The following FBXL7 variants were observed in gnomAD, a reference collection of about 807,000 sequenced individuals.
FBXL7 encodes the protein F-box and leucine rich repeat protein 7.
In FBXL7, 12 loss-of-function variants were observed where a neutral mutation model predicts 38.3. The observed-to-expected ratio is 0.31, with a 90% CI of 0.20 to 0.51. The LOEUF (loss-of-function observed/expected upper bound fraction) is 0.51. FBXL7 is among the 20% of genes least tolerant of loss of function. The pLI is 0.98. For synonymous variants in FBXL7, 297 were observed against 300.9 expected (o/e 0.99, Z 0.13); for missense variants, 567 against 676.4 (o/e 0.84, Z 1.79).
intron 2 of FBXL7, among the ~76,000 whole-genome samples, chr5:15,729,235 A>G (rs1305752071): frequency 6.6e-6 from 1 of 152,132 alleles, no homozygotes. Flanking sequence ...CCGTGCCTTC[A>G]TATATTTGGG....
Position 15,820,470 on chromosome 5 carries a change from C to T in FBXL7, c.128-107420C>T, listed in dbSNP as rs140006551. ...ATATAATCACTTAAACTTGGTGCAG[C>T]CTCTCCCATCTCTCTTCCTCCCCTT... On this transcript the variant is annotated intron_variant, in intron 2 of 3. Transcript: ENST00000504595. Among the ~76,000 whole-genome samples, 6 of 152,232 alleles carry T rather than the reference C, an allele frequency of 3.9e-5. No homozygotes were observed. In the East Asian group the frequency reaches 1.2e-3, roughly 30 times the overall value.
At chr5:15,864,383 C>A (rs1011804418) in intron 2 of FBXL7, among the ~76,000 whole-genome samples, 2 of 151,404 alleles carry the variant, frequency 1.3e-5, no homozygotes, top group African/African-American at 4.9e-5. Flanking sequence ...ACTTGGTGGT[C>A]ATTAGAATTG....
At chr5:15,618,796 G>A (rs1327365268) in intron 2 of FBXL7, among the ~76,000 whole-genome samples, 1 of 152,082 alleles carries the variant, frequency 6.6e-6, no homozygotes, top group African/African-American at 2.4e-5. Flanking sequence ...AATTACCAGC[G>A]GCCTATCCCG....
chr5:15,876,272 A>G (rs1019740868), intron 2 of FBXL7, among the ~76,000 whole-genome samples: 3 of 152,160 alleles, frequency 2.0e-5, no homozygotes, highest in African/African-American at 7.2e-5. Flanking sequence ...TAGGGGAGGG[A>G]TAGCATTAGG....
intron 1 of FBXL7, among the ~76,000 whole-genome samples, chr5:15,522,797 C>A (rs1379410103): frequency 6.6e-6 from 1 of 152,204 alleles, no homozygotes; most frequent in African/African-American, 2.4e-5. Flanking sequence ...TTAGTCTCAG[C>A]CCAAAGTCTC....
At chr5:15,828,176 T>A (rs1738364149) in intron 2 of FBXL7, among the ~76,000 whole-genome samples, 1 of 152,164 alleles carries the variant, frequency 6.6e-6, no homozygotes, top group Non-Finnish European at 1.5e-5. Flanking sequence ...TTGCAAGAAT[T>A]AAAAACACAT....
chr5:15,578,241 T>A (rs775204688), intron 1 of FBXL7, among the ~76,000 whole-genome samples: 9 of 152,050 alleles, frequency 5.9e-5, no homozygotes, highest in Non-Finnish European at 8.8e-5. Context: ...ACAAAAGAGA[T>A]GAGTGGAGAA....
At chr5:15,934,752 T>C (rs1742132814) in intron 3 of FBXL7, among the ~76,000 whole-genome samples, 1 of 152,178 alleles carries the variant, frequency 6.6e-6, no homozygotes, top group Non-Finnish European at 1.5e-5. Context: ...GATGATCTCA[T>C]CTGATCCTCT....
intron 2 of FBXL7, among the ~76,000 whole-genome samples, chr5:15,685,029 T>C (rs936233687): frequency 2.0e-5 from 3 of 150,478 alleles, no homozygotes; most frequent in South Asian, 4.2e-4. Context: ...ATAAAGAGGA[T>C]TTTTTTTTTC....
chr5:15,753,393 A>G lies in FBXL7; in HGVS notation c.127+137321A>G, dbSNP rs113987346. Among the ~76,000 whole-genome samples the G allele has an allele frequency of 8.5e-4, 129 of 152,326 alleles. 1 individual carries two copies. Among genetic ancestry groups the G allele is most frequent in the African/African-American group, 3.0e-3 (124 of 41,576 alleles). On this transcript the variant is annotated intron_variant, in intron 2 of 3. Coordinates refer to ENST00000504595, the MANE Select transcript of FBXL7 (RefSeq NM_012304.5). ...TTAATGTTAGTATTTGTGACTTAGC[A>G]GAGCGGTTGATCATAACTGGCCTTC...
At chr5:15,603,177 G>A (rs1298324993) in intron 1 of FBXL7, among the ~76,000 whole-genome samples, 1 of 152,010 alleles carries the variant, frequency 6.6e-6, no homozygotes, top group East Asian at 1.9e-4. Context: ...ATTTGTCTGT[G>A]CTTTATCTCC....
chr5:15,779,295 A>G (rs765759637), intron 2 of FBXL7, among the ~76,000 whole-genome samples: 3 of 152,102 alleles, frequency 2.0e-5, no homozygotes, highest in Non-Finnish European at 2.9e-5. Flanking sequence ...TAGAAAATTT[A>G]TAGTTAAATA....
rs148822239 is a variant in FBXL7 at position 15,743,692 on chromosome 5, G to C, written c.127+127620G>C. On this transcript the variant is annotated intron_variant, in intron 2 of 3. Coordinates refer to ENST00000504595, the MANE Select transcript of FBXL7 (RefSeq NM_012304.5). ...GTGCCTCAGTGGGGACATTTTGTTGGTGGTCCAATCCCACATTTCCCTTCT... is the reference window on the plus strand; with the variant it reads ...GTGCCTCAGTGGGGACATTTTGTTGCTGGTCCAATCCCACATTTCCCTTCT... 8.7e-4 allele frequency among the ~76,000 whole-genome samples: 133 copies of C among 152,348 alleles called. 1 individual carries two copies. Among genetic ancestry groups the C allele is most frequent in the African/African-American group, 3.0e-3 (124 of 41,578 alleles).
intron 2 of FBXL7, among the ~76,000 whole-genome samples, chr5:15,848,723 A>G (rs1005189741): frequency 2.0e-5 from 3 of 152,308 alleles, no homozygotes; most frequent in Middle Eastern, 3.4e-3. Flanking sequence ...ACTTTAAGTC[A>G]AAAGTAAACC....
intron 2 of FBXL7, among the ~76,000 whole-genome samples, chr5:15,756,373 A>G (rs1310557758): frequency 6.6e-6 from 1 of 152,188 alleles, no homozygotes; most frequent in Non-Finnish European, 1.5e-5. Flanking sequence ...TAGTTTTATG[A>G]TAACAGACCG....
At chr5:15,824,286 A>G (rs1579495552) in intron 2 of FBXL7, among the ~76,000 whole-genome samples, 1 of 128,708 alleles carries the variant, frequency 7.8e-6, no homozygotes, top group African/African-American at 2.8e-5. Flanking sequence ...ACAGAGCAAG[A>G]CTCCGTCTCA....
chr5:15,822,777 A>G (rs1738206830), intron 2 of FBXL7, among the ~76,000 whole-genome samples: 1 of 152,052 alleles, frequency 6.6e-6, no homozygotes, highest in Non-Finnish European at 1.5e-5. Context: ...CCCCCATTTT[A>G]TGAATGAGGA....
intron 2 of FBXL7, among the ~76,000 whole-genome samples, chr5:15,739,255 T>C (rs1421394749): frequency 1.4e-5 from 2 of 146,732 alleles, no homozygotes; most frequent in Non-Finnish European, 3.0e-5. Context: ...CAGCCCTTGA[T>C]TCTGCCTCTT....
rs1208151312 is a variant in FBXL7 at position 15,541,378 on chromosome 5, A to G, written c.37+40665A>G. Among the ~76,000 whole-genome samples, 8 of 145,488 alleles carry G rather than the reference A, an allele frequency of 5.5e-5. No individual in the cohort carries two copies. In the South Asian group the frequency reaches 1.5e-3, roughly 28 times the overall value. ...ACTATATGTATATATACACATATATATATACACACACATATATCCATATAT... is the reference window on the plus strand; with the variant it reads ...ACTATATGTATATATACACATATATGTATACACACACATATATCCATATAT... On this transcript the variant is annotated intron_variant, in intron 1 of 3. Transcript: ENST00000504595.
Sources: gnomAD v4.1 joint callset for allele counts (sites outside exome capture counted in the v4.1 genomes callset) on GRCh38, gnomAD v4.1.1 for gene constraint, MANE v1.5 for transcripts, NCBI Gene and HGNC (gene_info 2026-07-23, HGNC 2026-07-21) for gene names.